Variants in CELF1 observed in about 807,000 individuals in gnomAD.
CELF1 encodes 50 kDa nuclear polyadenylated RNA-binding protein.
In CELF1, 10 loss-of-function variants were observed where a neutral mutation model predicts 61.8. That is an observed-to-expected ratio of 0.16 (90% confidence interval 0.10 to 0.27). The LOEUF (loss-of-function observed/expected upper bound fraction) is 0.27. CELF1 is among the 10% of genes least tolerant of loss of function. The probability of loss-of-function intolerance (pLI) is 1.00; values close to 1 mark genes in which losing one functional copy is unlikely to be tolerated. For synonymous variants in CELF1, 236 were observed against 225.1 expected, an observed-to-expected ratio of 1.05 and a Z score of -0.43; for missense variants, 380 against 639.1, an observed-to-expected ratio of 0.59 and a Z score of 4.37.
At chr11:47,488,000 T>C (rs2088666037) in intron 4 of CELF1, among the ~76,000 whole-genome samples, 1 of 152,234 alleles carries the variant, frequency 6.6e-6, no homozygotes, top group East Asian at 1.9e-4. Flanking sequence ...AAGGTTATAT[T>C]GCCAGTCATG....
chr11:47,561,315 C>T (rs1455443972), intron 2 of CELF1, among the ~76,000 whole-genome samples: 6 of 150,956 alleles, frequency 4.0e-5, no homozygotes, highest in South Asian at 2.1e-4. Context: ...TGGTAGCGGG[C>T]GCCTGTAGTC....
intron 2 of CELF1, among the ~76,000 whole-genome samples, chr11:47,562,707 G>C (rs982126466): frequency 6.7e-6 from 1 of 148,822 alleles, no homozygotes; most frequent in Non-Finnish European, 1.5e-5. Flanking sequence ...TTTTTGTTTT[G>C]TTTTGTTTTT....
chr11:47,495,186 G>C (rs772674385), intron 3 of CELF1, among the ~76,000 whole-genome samples: 1 of 152,200 alleles, frequency 6.6e-6, no homozygotes, highest in Non-Finnish European at 1.5e-5. Context: ...AGATAGCATG[G>C]GTTAAATGGA....
chr11:47,490,111 G>A (rs2090626906), intron 3 of CELF1, among the ~76,000 whole-genome samples: 1 of 150,244 alleles, frequency 6.7e-6, no homozygotes, highest in South Asian at 2.1e-4. Context: ...GCTAATTTTT[G>A]TATTTTTAGT....
chr11:47,550,785 C>T (rs2097119748), intron 1 of CELF1, among the ~76,000 whole-genome samples: 1 of 151,950 alleles, frequency 6.6e-6, no homozygotes, highest in Non-Finnish European at 1.5e-5. Flanking sequence ...TCACTGTCTG[C>T]CTATTACATC....
At chr11:47,541,329 G>T (rs1026613788) in intron 1 of CELF1, among the ~76,000 whole-genome samples, 1 of 152,078 alleles carries the variant, frequency 6.6e-6, no homozygotes, top group Non-Finnish European at 1.5e-5. Context: ...AAAAGAACAA[G>T]GAGAAAGTGG....
At chr11:47,490,188 G>A (rs1238744422) in intron 3 of CELF1, among the ~76,000 whole-genome samples, 2 of 151,272 alleles carry the variant, frequency 1.3e-5, no homozygotes, top group African/African-American at 2.4e-5. Flanking sequence ...CACCCGCCTC[G>A]GCCTCCTAAA....
chr11:47,472,408 T>G, intron 14 of CELF1, 51 bp from the exon 15 acceptor site: 1 of 1,593,600 alleles, frequency 6.3e-7, no homozygotes, highest in Non-Finnish European at 8.6e-7. Flanking sequence ...GGCAAGGAGA[T>G]TCTCAGTCCT....
chr11:47,553,910 TTTGTTGTTG>T (rs746699280), upstream of CELF1, among the ~76,000 whole-genome samples: 1 of 151,622 alleles, frequency 6.6e-6, no homozygotes. Context: ...AGCAGTACAA[TTTGTTGTTG>T]TTGTTGTTGT....
chr11:47,557,018 G>A (rs2097207494), upstream of CELF1, among the ~76,000 whole-genome samples: 2 of 152,068 alleles, frequency 1.3e-5, no homozygotes, highest in Admixed American at 1.3e-4. Flanking sequence ...TGCTGCCTCA[G>A]CCTCCTGAGT....
intron 2 of CELF1, among the ~76,000 whole-genome samples, chr11:47,563,209 CCT>C (rs2097232129): frequency 6.6e-6 from 1 of 151,250 alleles, no homozygotes; most frequent in Admixed American, 6.6e-5. Context: ...ACAGTGAGAC[CCT>C]GTTTCCTAGA....
chr11:47,480,878 C>G (rs1389237273), intron 9 of CELF1, among the ~76,000 whole-genome samples: 1 of 151,916 alleles, frequency 6.6e-6, no homozygotes, highest in Non-Finnish European at 1.5e-5. Context: ...TCTACTAAAA[C>G]TACAAAAATT....
chr11:47,512,452 ATTTT>A (rs35542082), intron 1 of CELF1, among the ~76,000 whole-genome samples: 11 of 112,762 alleles, frequency 9.8e-5, no homozygotes, highest in Admixed American at 5.6e-4. Flanking sequence ...CGTGCCCAGA[ATTTT>A]TTTTTTTTTT....
chr11:47,492,063 G>C (rs1385237122), intron 3 of CELF1, among the ~76,000 whole-genome samples: 2 of 152,068 alleles, frequency 1.3e-5, no homozygotes, highest in East Asian at 3.9e-4. Flanking sequence ...CTGCAGCCTC[G>C]ACCTCCCAGG....
chr11:47,544,090 G>A (rs1483907556), intron 1 of CELF1, among the ~76,000 whole-genome samples: 1 of 152,196 alleles, frequency 6.6e-6, no homozygotes, highest in African/African-American at 2.4e-5. Flanking sequence ...GTTTAGCACA[G>A]CATTTCAGAC....
In CELF1 at chr11:47,546,152, T is replaced by C. The variant is rs545902087; in HGVS notation, c.-154+6840A>G. Among the ~76,000 whole-genome samples the C allele has an allele frequency of 5.0e-4, 76 of 151,518 alleles. 3 individuals carry two copies. The highest frequency in any genetic ancestry group is 1.7e-3 in the African/African-American group (71 of 41,316). The stretch of plus-strand genomic sequence containing the variant: ...GTCTCGATCTCCTGACCTTGTGATC[T>C]GCCTGCCTCGGCCTCCCTACATCTT... On this transcript the variant is annotated intron_variant, in intron 1 of 14. Transcript: ENST00000687097.
At chr11:47,557,173 C>T (rs1477255712), upstream of CELF1, among the ~76,000 whole-genome samples, 1 of 151,718 alleles carries the variant, frequency 6.6e-6, no homozygotes, top group Non-Finnish European at 1.5e-5. Flanking sequence ...GTGCCGGGAG[C>T]CACCACGCCC....
intron 1 of CELF1, among the ~76,000 whole-genome samples, chr11:47,538,250 A>T (rs117206250): frequency 0.015 from 2,319 of 152,246 alleles, 41 homozygotes; most frequent in Middle Eastern, 0.065. Flanking sequence ...TCATCATTTG[A>T]TCTCTGATAT....
intron 3 of CELF1, 77 bp downstream of exon 3, chr11:47,499,376 G>T: frequency 8.5e-7 from 1 of 1,176,786 alleles, no homozygotes; most frequent in Non-Finnish European, 1.2e-6. Flanking sequence ...CTTAAAAAAA[G>T]GAACCAATTT....
Sources: allele counts gnomAD v4.1 joint callset (sites outside exome capture counted in the v4.1 genomes callset), GRCh38; gene constraint gnomAD v4.1.1; transcripts MANE v1.5; gene names NCBI Gene and HGNC (gene_info 2026-07-23, HGNC 2026-07-21).